Variants in C14orf180 observed in about 807,000 individuals in gnomAD.
The protein encoded by C14orf180 is nutritionally-regulated adipose and cardiac enriched protein homolog.
C14orf180 carries 13 observed loss-of-function variants against 13.9 expected under a neutral mutation model. That is an observed-to-expected ratio of 0.94 (90% CI 0.61 to 1.49). The LOEUF is 1.49. Ranked by LOEUF, C14orf180 falls within the 40% of genes most tolerant of loss-of-function variation. The pLI is 0.00. For missense variants in C14orf180, 238 were observed against 232.0 expected (o/e 1.03, Z -0.17); for synonymous variants, 113 against 106.3 (o/e 1.06, Z -0.39).
rs12880814 is a variant in C14orf180, at chr14:104,588,597, A to G, written c.297A>G (p.Pro99=). ...CCGCAGTGCCCGGCCGGCCCAGGCC[A>G]CACGGCGGCTCCCTGCTCCTGCAGC... ...ATVRVPGRPR[P]HGGSLLLQLC... is the part of the protein sequence containing the mutation. The change falls in exon 5 of 5, where the codon CCA becomes CCG. Residue 99 remains proline, a synonymous_variant. Transcript: ENST00000557649. 0.14 allele frequency: 210,928 copies of G among 1,464,536 alleles called. 30,225 individuals carry two copies. Among genetic ancestry groups the G allele is most frequent in the African/African-American group, 0.64 (45,620 of 70,980 alleles). The allele number at this position is 1,464,536 out of a possible 1,614,324, so 90.7% of individuals were successfully genotyped here.
intron 1 of C14orf180, among the ~76,000 whole-genome samples, chr14:104,583,895 CAT>C (rs1386617951): frequency 1.3e-5 from 2 of 152,080 alleles, no homozygotes; most frequent in Non-Finnish European, 2.9e-5. Context: ...TACAAGTACA[CAT>C]ATGCACACAT....
intron 3 of C14orf180, 68 bp from the exon 4 acceptor site, chr14:104,588,206 C>G (rs112419320): frequency 8.2e-6 from 13 of 1,594,684 alleles, no homozygotes; most frequent in Non-Finnish European, 1.1e-5. Flanking sequence ...CAGGGTGAGA[C>G]GAGAGGGCGG....
chr14:104,585,486 G>C (rs1371167413), intron 1 of C14orf180, among the ~76,000 whole-genome samples: 1 of 152,222 alleles, frequency 6.6e-6, no homozygotes, highest in African/African-American at 2.4e-5. Flanking sequence ...CACTTGGGGG[G>C]CTCCACCGGT....
chr14:104,584,844 AC>A (rs1200128478), intron 1 of C14orf180, among the ~76,000 whole-genome samples: 2 of 152,234 alleles, frequency 1.3e-5, no homozygotes. Flanking sequence ...GACATCATTA[AC>A]AGGGCACTCT....
chr14:104,588,398 GCCAGGGCCTCTAAGGAGTCC>G, intron 4 of C14orf180, 89 bp downstream of exon 4: 1 of 1,581,832 alleles, frequency 6.3e-7, no homozygotes, highest in South Asian at 1.1e-5. Context: ...GTGTCACAGG[GCCAGGGCCTCTAAGGAGTCC>G]CCAGTTGGGG....
chr14:104,584,125 G>A (rs1204187997), intron 1 of C14orf180, among the ~76,000 whole-genome samples: 2 of 152,226 alleles, frequency 1.3e-5, no homozygotes, highest in African/African-American at 4.8e-5. Context: ...GGCAGGAGCT[G>A]GGGGAGACTG....
At chr14:104,586,819 G>C (rs1437937175) in intron 2 of C14orf180, among the ~76,000 whole-genome samples, 1 of 152,182 alleles carries the variant, frequency 6.6e-6, no homozygotes, top group African/African-American at 2.4e-5. Flanking sequence ...AGGCAGCTCA[G>C]GGAGGAGGGT....
intron 1 of C14orf180, among the ~76,000 whole-genome samples, chr14:104,580,329 CCT>C (rs1437935467): frequency 2.0e-5 from 3 of 152,220 alleles, no homozygotes; most frequent in Non-Finnish European, 2.9e-5. Context: ...CCAGGCCGGC[CCT>C]GTGTCCACAC....
At chr14:104,580,121 T>G (rs926997412) in intron 1 of C14orf180, 118 bp downstream of exon 1, 1 of 150,370 alleles carries the variant, frequency 6.7e-6, no homozygotes, top group Admixed American at 6.6e-5. Context: ...GGGCAGCAGG[T>G]GTGGGCAGAG....
chr14:104,588,151 C>A, intron 3 of C14orf180, 123 bp from the exon 4 acceptor site: 4 of 1,238,092 alleles, frequency 3.2e-6, no homozygotes, highest in Non-Finnish European at 4.7e-6. Flanking sequence ...ACCGGCTGGG[C>A]CTGGGTCTCT....
chr14:104,588,657 C>A lies in C14orf180; in HGVS notation c.357C>A (p.Gly119=), dbSNP rs868503379. Residue 119 remains glycine, a synonymous_variant, in exon 5 of 5, where the codon GGC becomes GGA. Transcript: ENST00000557649. ...CVCVLLVLAL[G]LYCGRAKPVA... is the part of the protein sequence containing the mutation. Reference sequence around the variant, plus strand: ...GCGTCCTGCTCGTGCTGGCCCTGGGCCTATACTGCGGCCGGGCCAAGCCCG... The same window carrying A: ...GCGTCCTGCTCGTGCTGGCCCTGGGACTATACTGCGGCCGGGCCAAGCCCG... 2.0e-6 allele frequency: 3 copies of A among 1,533,680 alleles called. No homozygotes were observed. Among genetic ancestry groups the A allele is most frequent in the Middle Eastern group, 3.4e-4 (2 of 5,818 alleles).
intron 2 of C14orf180, among the ~76,000 whole-genome samples, chr14:104,587,218 G>A (rs2140465059): frequency 6.6e-6 from 1 of 152,320 alleles, no homozygotes; most frequent in South Asian, 2.1e-4. Context: ...ATACACGTGA[G>A]CAGACCAGCA....
chr14:104,589,057 A>G lies in C14orf180; in HGVS notation c.*274A>G, dbSNP rs1178419681. 9.4e-6 allele frequency: 6 copies of G among 634,994 alleles called. No individual in the cohort carries two copies. The East Asian group carries it at 1.3e-4, about 13-fold the overall frequency. The allele number at this position is 634,994 out of a possible 1,614,324, so 39.3% of individuals were successfully genotyped here. A position where few individuals can be genotyped will look rare whatever the true frequency, so the allele number is the denominator to read the frequency against. On this transcript the variant is annotated 3_prime_UTR_variant, in exon 5 of 5. Transcript: ENST00000557649. The surrounding 1 kb of genome is among the most constrained non-coding windows in gnomAD (Gnocchi z 4.9). The stretch of plus-strand genomic sequence containing the variant: ...TATTAGAAAGAGGATTCGACTGCTA[A>G]CAGTTGAGGCTCCCCAGGCTCACCC...
intron 1 of C14orf180, among the ~76,000 whole-genome samples, chr14:104,584,857 C>G (rs772382459): frequency 2.0e-5 from 3 of 152,246 alleles, no homozygotes; most frequent in Non-Finnish European, 4.4e-5. Context: ...GGGCACTCTG[C>G]TTGTCTGCAG....
chr14:104,585,457 G>T (rs916886167), intron 1 of C14orf180, among the ~76,000 whole-genome samples: 3 of 152,250 alleles, frequency 2.0e-5, no homozygotes, highest in Admixed American at 6.5e-5. Flanking sequence ...ACCCTGCCAA[G>T]GCTGTGAGAG....
intron 2 of C14orf180, among the ~76,000 whole-genome samples, chr14:104,586,834 G>C (rs1596289694): frequency 6.6e-6 from 1 of 152,182 alleles, no homozygotes; most frequent in African/African-American, 2.4e-5. Context: ...GAGGGTGTTG[G>C]AGGAGGGAAG....
At chr14:104,588,467 G>A in intron 4 of C14orf180, 111 bp from the exon 5 acceptor site, 1 of 1,459,800 alleles carries the variant, frequency 6.9e-7, no homozygotes, top group Non-Finnish European at 9.3e-7. Flanking sequence ...GCTAGGGAGG[G>A]GCCATGGGCA....
Position 104,588,885 on chromosome 14 carries a change from G to A in C14orf180, c.*102G>A. On this transcript the variant is annotated 3_prime_UTR_variant, in exon 5 of 5. Transcript: ENST00000557649. The stretch of plus-strand genomic sequence containing the variant: ...TGGCCCTGCTGCTTGGTGAATCATG[G>A]GGGCCAAAAGGGGCTGCTGCCTGAG... The A allele has an allele frequency of 6.8e-7, 1 of 1,477,670 alleles. No individual in the cohort carries two copies. The highest frequency in any genetic ancestry group is 1.3e-5 in the South Asian group (1 of 75,098). 91.5% of individuals were successfully genotyped at this position (1,477,670 alleles called of 1,614,324 possible). A position where few individuals can be genotyped will look rare whatever the true frequency, so the allele number is the denominator to read the frequency against.
At chr14:104,587,927 G>C in intron 3 of C14orf180, 49 bp downstream of exon 3, 1 of 1,561,796 alleles carries the variant, frequency 6.4e-7, no homozygotes. Flanking sequence ...GAGTCAAGCA[G>C]AGGGAGGCGG....
Sources: allele counts gnomAD v4.1 joint callset (sites outside exome capture counted in the v4.1 genomes callset), GRCh38; gene constraint gnomAD v4.1.1; non-coding constraint Gnocchi (gnomAD v3.1); transcripts MANE v1.5; gene names NCBI Gene and HGNC (gene_info 2026-07-23, HGNC 2026-07-21).